The following NFKB2 variants were observed in gnomAD, a reference collection of about 807,000 sequenced individuals.
NFKB2 encodes nuclear factor kappa B subunit 2.
In NFKB2, 21 loss-of-function variants were observed where a neutral mutation model predicts 109.3. That is an observed-to-expected ratio of 0.19 (90% CI 0.14 to 0.28). NFKB2 has a LOEUF of 0.28. Ranked by LOEUF, NFKB2 falls within the 10% of genes least tolerant of loss-of-function variation. The probability of loss-of-function intolerance (pLI) is 1.00; values close to 1 mark genes in which losing one functional copy is unlikely to be tolerated. For missense variants in NFKB2, 806 were observed against 1,185.3 expected (o/e 0.68, Z 4.70); for synonymous variants, 478 against 489.9 (o/e 0.98, Z 0.32).
Position 102,396,348 on chromosome 10 carries a change from CT to C in NFKB2, c.103+15del. The C allele has an allele frequency of 2.5e-6, 4 of 1,613,594 alleles. No homozygotes were observed. Among genetic ancestry groups the C allele is most frequent in the Non-Finnish European group, 3.4e-6 (4 of 1,179,528 alleles). On this transcript the variant is annotated intron_variant, in intron 3 of 22. Coordinates refer to ENST00000661543, the MANE Select transcript of NFKB2 (RefSeq NM_001322934.2). The surrounding 1 kb of genome is among the most constrained non-coding windows in gnomAD (Gnocchi z 5.9). The stretch of plus-strand genomic sequence containing the variant: ...CCCCAGAAACAGGTCAGCAAGTTCA[CT>C]AACCTCCCCTAGTCCTAAAGCGGGG...
At position 102,398,832 on chromosome 10, in the gene NFKB2, G is replaced by A. The variant is rs1383291468; in HGVS notation, c.1085G>A (p.Gly362Asp). 6.2e-7 allele frequency: 1 copy of A among 1,605,982 alleles called. No individual in the cohort carries two copies. The highest frequency in any genetic ancestry group is 2.2e-5 in the East Asian group (1 of 44,846). Reference protein sequence around the residue: ...GGSHMGGGSGGAAGGYGGAGG... With the variant: ...GGSHMGGGSGDAAGGYGGAGG... ...TCCCACATGGGTGGAGGCTCTGGGG[G>A]TGCAGCCGGGGGCTACGGAGGAGCT... is the stretch of plus-strand genomic sequence containing the variant. Residue 362 changes from glycine (G) to aspartate (D), a missense_variant, in exon 12 of 23, where the codon GGT becomes GAT. Physicochemically the swap from Gly to Asp is moderately conservative, Grantham distance 94. Coordinates refer to ENST00000661543, the MANE Select transcript of NFKB2 (RefSeq NM_001322934.2). The surrounding 1 kb of genome is among the most constrained non-coding windows in gnomAD (Gnocchi z 6.6).
In NFKB2 at chr10:102,398,100, C is replaced by T. The variant is rs1294089949; in HGVS notation, c.766+15C>T. Reference sequence around the variant, plus strand: ...GGTGCAGAAAGGTGAGACTGGAGCCCACTTTGGGCACCAAGGACATCGAGT... The same window carrying T: ...GGTGCAGAAAGGTGAGACTGGAGCCTACTTTGGGCACCAAGGACATCGAGT... On this transcript the variant is annotated intron_variant, in intron 9 of 22. Transcript: ENST00000661543. The surrounding 1 kb of genome is among the most constrained non-coding windows in gnomAD (Gnocchi z 6.6). The T allele has an allele frequency of 1.9e-6, 3 of 1,613,764 alleles. No individual in the cohort carries two copies. The highest frequency in any genetic ancestry group is 3.3e-5 in the Admixed American group (2 of 60,020).
chr10:102,396,503 A>C lies in NFKB2; in HGVS notation c.144+14A>C. Reference sequence around the variant, plus strand: ...CAGCCTAAGCAGGTGAGTGAGCAAAAGGGAGGGTGTGGAATGGCTTCAGCT... The same window carrying C: ...CAGCCTAAGCAGGTGAGTGAGCAAACGGGAGGGTGTGGAATGGCTTCAGCT... On this transcript the variant is annotated intron_variant, in intron 4 of 22. Transcript: ENST00000661543. The surrounding 1 kb of genome is among the most constrained non-coding windows in gnomAD (Gnocchi z 5.9). 1 of 1,613,800 alleles carries C rather than the reference A, an allele frequency of 6.2e-7. No homozygotes were observed. Among genetic ancestry groups the C allele is most frequent in the Non-Finnish European group, 8.5e-7 (1 of 1,179,986 alleles).
At position 102,397,087 on chromosome 10, in the gene NFKB2, T is replaced by G; in HGVS notation, c.395+32T>G. 1 of 1,597,094 alleles carries G rather than the reference T, an allele frequency of 6.3e-7. No individual in the cohort carries two copies. Among genetic ancestry groups the G allele is most frequent in the Non-Finnish European group, 8.6e-7 (1 of 1,167,198 alleles). On this transcript the variant is annotated intron_variant, in intron 6 of 22. Coordinates refer to ENST00000661543, the MANE Select transcript of NFKB2 (RefSeq NM_001322934.2). This position sits in a 1 kb window ranked among gnomAD's most constrained non-coding sequence, Gnocchi z 4.7. ...GCCCTCTACGCCTGGCCCCCACTGG[T>G]ATGCCCGTCTGCCAGTCCCAGGCCC...
chr10:102,395,361 C>A (rs2061085403), upstream of NFKB2, among the ~76,000 whole-genome samples: 1 of 152,194 alleles, frequency 6.6e-6, no homozygotes, highest in African/African-American at 2.4e-5. Flanking sequence ...CAAAAGCCCC[C>A]GGGGTTTATC....
At position 102,401,221 on chromosome 10, in the gene NFKB2, C is replaced by G. The variant is rs376121715; in HGVS notation, c.2113C>G (p.Leu705Val). 170 of 1,608,018 alleles carry G rather than the reference C, an allele frequency of 1.1e-4. No homozygotes were observed. In the African/African-American group the frequency reaches 1.6e-3, roughly 15 times the overall value. ...HAENEEPLCP[L>V]PSPPTSDSDS... ...TGAAAACGAGGAGCCCCTGTGCCCA[C>G]TGCCTTCACCCCCTACCTCTGATAG... is the stretch of plus-strand genomic sequence containing the variant. The change falls in exon 19 of 23, where the codon CTG becomes GTG. Residue 705 changes from leucine (L) to valine (V), a missense_variant. By Grantham distance (32) the Leu-to-Val change is conservative. This residue lies in a region of NFKB2 where 211 missense variants were observed against 268.7 expected (regional missense o/e 0.79). Transcript: ENST00000661543. This position sits in a 1 kb window ranked among gnomAD's most constrained non-coding sequence, Gnocchi z 4.2.
At position 102,401,972 on chromosome 10, in the gene NFKB2, A is replaced by C. The variant is rs1160882369; in HGVS notation, c.2466+55A>C. ...CAGCCTCCTTTCCCGATCTGAGTCCAGGTGCCTCCTTGGCCCCAGGGCTCC... is the reference window on the plus strand; with the variant it reads ...CAGCCTCCTTTCCCGATCTGAGTCCCGGTGCCTCCTTGGCCCCAGGGCTCC... On this transcript the variant is annotated intron_variant, in intron 21 of 22. Coordinates refer to ENST00000661543, the MANE Select transcript of NFKB2 (RefSeq NM_001322934.2). The surrounding 1 kb of genome is among the most constrained non-coding windows in gnomAD (Gnocchi z 4.2). 3 of 1,591,912 alleles carry C rather than the reference A, an allele frequency of 1.9e-6. No individual in the cohort carries two copies. The South Asian group carries it at 3.4e-5, about 18-fold the overall frequency.
Position 102,396,068 on chromosome 10 carries a change from C to G in NFKB2, c.21+88C>G. The stretch of plus-strand genomic sequence containing the variant: ...CCGAGCCCCCTCTGCTGCCTTACAC[C>G]TGTATGCTCGCAGATGCTCTCAGCC... On this transcript the variant is annotated intron_variant, in intron 2 of 22. Transcript: ENST00000661543. This position sits in a 1 kb window ranked among gnomAD's most constrained non-coding sequence, Gnocchi z 5.9. The G allele has an allele frequency of 6.4e-7, 1 of 1,558,236 alleles. No homozygotes were observed. Among genetic ancestry groups the G allele is most frequent in the Non-Finnish European group, 8.8e-7 (1 of 1,134,226 alleles).
chr10:102,399,373 C>A lies in NFKB2; in HGVS notation c.1203C>A (p.Gly401=). 2 of 1,546,690 alleles carry A rather than the reference C, an allele frequency of 1.3e-6. No homozygotes were observed. Among genetic ancestry groups the A allele is most frequent in the Non-Finnish European group, 1.7e-6 (2 of 1,146,972 alleles). The change falls in exon 13 of 23, where the codon GGC becomes GGA. Residue 401 remains glycine, a synonymous_variant. Transcript: ENST00000661543. ...GCCCCATGGGCTGCTACCCGGGAGG[C>A]GGGGGCGGGGCGCAGATGGCCGCCA... ...GAGPMGCYPG[G]GGGAQMAATV... is the part of the protein sequence containing the mutation.
chr10:102,398,246 G>A lies in NFKB2; in HGVS notation c.801G>A (p.Glu267=). The A allele has an allele frequency of 6.2e-7, 1 of 1,614,174 alleles. No homozygotes were observed. Among genetic ancestry groups the A allele is most frequent in the Non-Finnish European group, 8.5e-7 (1 of 1,180,030 alleles). ...AGGTTCGGTTCTATGAGGATGATGA[G>A]AATGGATGGCAGGCCTTTGGGGACT... ...DIEVRFYEDD[E]NGWQAFGDFS... is the part of the protein sequence containing the mutation. The change falls in exon 10 of 23, where the codon GAG becomes GAA. Residue 267 remains glutamate (E), a synonymous_variant. Coordinates refer to ENST00000661543, the MANE Select transcript of NFKB2 (RefSeq NM_001322934.2). This position sits in a 1 kb window ranked among gnomAD's most constrained non-coding sequence, Gnocchi z 6.6.
At position 102,397,708 on chromosome 10, in the gene NFKB2, G is replaced by T; in HGVS notation, c.661+23G>T. 3 of 1,593,826 alleles carry T rather than the reference G, an allele frequency of 1.9e-6. No individual in the cohort carries two copies. The highest frequency in any genetic ancestry group is 2.6e-6 in the Non-Finnish European group (3 of 1,164,412). On this transcript the variant is annotated intron_variant, in intron 8 of 22. Coordinates refer to ENST00000661543, the MANE Select transcript of NFKB2 (RefSeq NM_001322934.2). The surrounding 1 kb of genome is among the most constrained non-coding windows in gnomAD (Gnocchi z 4.7). Reference sequence around the variant, plus strand: ...GCAGTGAGTATCCTGATTGCCTGGGGTGCCAGGCCTGGTGGCAGAGGTGGC... The same window carrying T: ...GCAGTGAGTATCCTGATTGCCTGGGTTGCCAGGCCTGGTGGCAGAGGTGGC...
rs762442104 is a variant in NFKB2 at position 102,396,282 on chromosome 10, T to C, written c.51T>C (p.Asp17=). The C allele has an allele frequency of 1.1e-5, 18 of 1,612,842 alleles. No homozygotes were observed. Among genetic ancestry groups the C allele is most frequent in the Non-Finnish European group, 1.3e-5 (15 of 1,179,028 alleles). ...PGLDGIIEYD[D]FKLNSSIVEP... is the part of the protein sequence containing the mutation. ...TGGATGGTATTATTGAATATGATGATTTCAAATTGAACTCCTCCATTGTGG... is the reference window on the plus strand; with the variant it reads ...TGGATGGTATTATTGAATATGATGACTTCAAATTGAACTCCTCCATTGTGG... The change falls in exon 3 of 23, where the codon GAT becomes GAC. Residue 17 remains aspartate, a synonymous_variant. Transcript: ENST00000661543. The surrounding 1 kb of genome is among the most constrained non-coding windows in gnomAD (Gnocchi z 5.9).
Position 102,396,247 on chromosome 10 carries a change from A to C in NFKB2, c.22-6A>C. On this transcript the variant is annotated splice_region_variant and splice_polypyrimidine_tract_variant and intron_variant, in intron 2 of 22. Transcript: ENST00000661543. This position sits in a 1 kb window ranked among gnomAD's most constrained non-coding sequence, Gnocchi z 5.9. The stretch of plus-strand genomic sequence containing the variant: ...GGATGCCACCCCCAGTCTGTCTCCA[A>C]ACCAGGGTCTGGATGGTATTATTGA... 1 of 1,601,730 alleles carries C rather than the reference A, an allele frequency of 6.2e-7. No individual in the cohort carries two copies. Among genetic ancestry groups the C allele is most frequent in the Non-Finnish European group, 8.5e-7 (1 of 1,169,876 alleles).
chr10:102,401,853 G>A lies in NFKB2; in HGVS notation c.2402G>A (p.Arg801His), dbSNP rs779292652. 7.4e-6 allele frequency: 12 copies of A among 1,613,736 alleles called. No individual in the cohort carries two copies. Among genetic ancestry groups the A allele is most frequent in the Admixed American group, 1.7e-5 (1 of 59,972 alleles). ...GAGCTGGCAGAGCGTCTGGGGCTGC[G>A]CAGCCTGGTAGACACGTACCGACAG... ...WAELAERLGL[R>H]SLVDTYRQTT... The change falls in exon 21 of 23, where the codon CGC becomes CAC. Residue 801 changes from arginine to histidine, a missense_variant. Physicochemically the swap from Arg to His is conservative, Grantham distance 29. Coordinates refer to ENST00000661543, the MANE Select transcript of NFKB2 (RefSeq NM_001322934.2). This position sits in a 1 kb window ranked among gnomAD's most constrained non-coding sequence, Gnocchi z 4.2.
In NFKB2 at chr10:102,396,044, C is replaced by T. The variant is rs1481531454; in HGVS notation, c.21+64C>T. The T allele has an allele frequency of 1.2e-6, 2 of 1,602,422 alleles. No homozygotes were observed. Among genetic ancestry groups the T allele is most frequent in the Non-Finnish European group, 1.7e-6 (2 of 1,173,252 alleles). On this transcript the variant is annotated intron_variant, in intron 2 of 22. Coordinates refer to ENST00000661543, the MANE Select transcript of NFKB2 (RefSeq NM_001322934.2). The surrounding 1 kb of genome is among the most constrained non-coding windows in gnomAD (Gnocchi z 5.9). ...CCTCGTGTCTGTCCACCTGTCTGCCCGAGCCCCCTCTGCTGCCTTACACCT... is the reference window on the plus strand; with the variant it reads ...CCTCGTGTCTGTCCACCTGTCTGCCTGAGCCCCCTCTGCTGCCTTACACCT...
At chr10:102,395,699 T>G, upstream of NFKB2, 2 of 576,744 alleles carry the variant, frequency 3.5e-6, no homozygotes, top group East Asian at 5.7e-5. Context: ...TTTCCTAAGC[T>G]GCTCTAACTT....
chr10:102,396,575 A>G lies in NFKB2; in HGVS notation c.144+86A>G. On this transcript the variant is annotated intron_variant, in intron 4 of 22. Coordinates refer to ENST00000661543, the MANE Select transcript of NFKB2 (RefSeq NM_001322934.2). This position sits in a 1 kb window ranked among gnomAD's most constrained non-coding sequence, Gnocchi z 5.9. The stretch of plus-strand genomic sequence containing the variant: ...GTAGCTGGCTGGCCATGGAGGAGCC[A>G]TTGCCGAAGGAGGCCACAGGGGATT... 1 of 1,603,476 alleles carries G rather than the reference A, an allele frequency of 6.2e-7. No individual in the cohort carries two copies. The highest frequency in any genetic ancestry group is 1.3e-5 in the African/African-American group (1 of 74,870).
At position 102,401,277 on chromosome 10, in the gene NFKB2, C is replaced by T. The variant is rs777674970; in HGVS notation, c.2169C>T (p.Asp723=). ...SDSDSEGPEK[D]TRSSFRGHTP... ...CGGACTCTGAAGGGCCTGAGAAGGA[C>T]ACCCGAAGCAGCTTCCGGGGCCACA... The change falls in exon 19 of 23, where the codon GAC becomes GAT. Residue 723 remains aspartate, a synonymous_variant. Transcript: ENST00000661543. The surrounding 1 kb of genome is among the most constrained non-coding windows in gnomAD (Gnocchi z 4.2). 1.7e-5 allele frequency: 27 copies of T among 1,611,612 alleles called. No individual in the cohort carries two copies. In the South Asian group the frequency reaches 2.9e-4, roughly 17 times the overall value.
intron 14 of NFKB2, 72 bp downstream of exon 14, chr10:102,399,790 C>CT (rs2061194569): frequency 1.4e-6 from 2 of 1,433,612 alleles, no homozygotes; most frequent in African/African-American, 2.9e-5. Flanking sequence ...GAGGCGGGCT[C>CT]TGCAGTTTTC....
Sources: allele counts gnomAD v4.1 joint callset (sites outside exome capture counted in the v4.1 genomes callset), GRCh38; gene constraint gnomAD v4.1.1; regional missense constraint gnomAD v4.1.1; non-coding constraint Gnocchi (gnomAD v3.1); transcripts MANE v1.5; gene names NCBI Gene and HGNC (gene_info 2026-07-23, HGNC 2026-07-21).